The following RIMS1 variants were observed in gnomAD, a reference collection of about 807,000 sequenced individuals.
RIMS1 encodes regulating synaptic membrane exocytosis protein 1.
RIMS1 carries 83 observed loss-of-function variants against 214.1 expected under a neutral mutation model. That is an observed-to-expected ratio of 0.39 (90% CI 0.32 to 0.47). The LOEUF (loss-of-function observed/expected upper bound fraction) is 0.47, where lower values mean the gene tolerates loss of function less well. Among genes scored for constraint, RIMS1 ranks in the 20% least tolerant of loss-of-function variants. The pLI, the probability that RIMS1 is intolerant of heterozygous loss-of-function variation, is 0.99. For synonymous variants in RIMS1, 793 were observed against 786.8 expected, an observed-to-expected ratio of 1.01 and a Z score of -0.13; for missense variants, 2,050 against 2,161.8, an observed-to-expected ratio of 0.95 and a Z score of 1.03.
chr6:72,010,215 G>T (rs1809854506), intron 2 of RIMS1, among the ~76,000 whole-genome samples: 1 of 151,800 alleles, frequency 6.6e-6, no homozygotes, highest in South Asian at 2.1e-4. Flanking sequence ...ATAAACAGAA[G>T]CGAAGAAAAA....
chr6:72,172,749 A>C (rs758453518), intron 4 of RIMS1, among the ~76,000 whole-genome samples: 1 of 152,182 alleles, frequency 6.6e-6, no homozygotes, highest in African/African-American at 2.4e-5. Context: ...CCTTTATCCT[A>C]TGAAGTTTTT....
chr6:72,062,693 G>A (rs1056185181), intron 2 of RIMS1, among the ~76,000 whole-genome samples: 10 of 152,112 alleles, frequency 6.6e-5, no homozygotes, highest in African/African-American at 1.4e-4. Flanking sequence ...ATGTATTGCC[G>A]CACAGTGCTG....
At chr6:72,339,420 C>T (rs146674444) in intron 29 of RIMS1, among the ~76,000 whole-genome samples, 3,018 of 152,044 alleles carry the variant, frequency 0.02, 83 homozygotes, top group African/African-American at 0.069. Flanking sequence ...TCTCCTAATG[C>T]TATCCCTCCC....
chr6:72,033,871 C>T (rs1818855866), intron 2 of RIMS1, among the ~76,000 whole-genome samples: 1 of 152,104 alleles, frequency 6.6e-6, no homozygotes, highest in Non-Finnish European at 1.5e-5. Flanking sequence ...TAAAGAACAA[C>T]TCTGAGAGGG....
chr6:72,274,386 C>T lies in RIMS1; in HGVS notation c.3436C>T (p.Pro1146Ser), dbSNP rs1297392979. The change falls in exon 23 of 34, where the codon CCT (proline) becomes TCT (serine). Residue 1146 changes from proline (P) to serine (S), a missense_variant. Physicochemically the swap from Pro to Ser is moderately conservative, Grantham distance 74 (BLOSUM62 -1). Around this residue, in one of 6 missense-constraint regions of RIMS1, gnomAD observed 889 missense variants for 885.5 expected, o/e 1.00. Coordinates refer to ENST00000521978, the MANE Select transcript of RIMS1 (RefSeq NM_014989.7). Reference sequence around the variant, plus strand: ...CCCCTCCCTAGATAGGAGACGACCTCCTAGTCCCAGGATTCAAATCCAGCA... The same window carrying T: ...CCCCTCCCTAGATAGGAGACGACCTTCTAGTCCCAGGATTCAAATCCAGCA... The part of the protein sequence containing the change: ...WSPSLDRRRP[P>S]SPRIQIQHAS... 6.2e-7 allele frequency: 1 copy of T among 1,613,220 alleles called. No individual in the cohort carries two copies. Among genetic ancestry groups the T allele is most frequent in the South Asian group, 1.1e-5 (1 of 91,000 alleles).
chr6:72,041,912 T>C (rs1821542051), intron 2 of RIMS1, among the ~76,000 whole-genome samples: 1 of 151,872 alleles, frequency 6.6e-6, no homozygotes, highest in Non-Finnish European at 1.5e-5. Flanking sequence ...ACACAACTGA[T>C]AAATGGCAGA....
At chr6:72,003,514 A>G (rs1490640091) in intron 2 of RIMS1, among the ~76,000 whole-genome samples, 1 of 152,042 alleles carries the variant, frequency 6.6e-6, no homozygotes, top group African/African-American at 2.4e-5. Context: ...CCTAATTTTC[A>G]GCTTACTCAA....
intron 15 of RIMS1, 70 bp downstream of exon 15, chr6:72,251,438 C>T (rs1590621863): frequency 8.3e-7 from 1 of 1,199,002 alleles, no homozygotes; most frequent in Non-Finnish European, 1.1e-6. Flanking sequence ...ATTAATAATT[C>T]AAGATGTTTT....
At chr6:72,165,415 A>C (rs2046115140) in intron 4 of RIMS1, among the ~76,000 whole-genome samples, 1 of 152,084 alleles carries the variant, frequency 6.6e-6, no homozygotes, top group Admixed American at 6.6e-5. Flanking sequence ...TGCCTTACAC[A>C]TCCACTCCAT....
At chr6:72,131,475 G>A (rs558635194) in intron 4 of RIMS1, among the ~76,000 whole-genome samples, 11 of 152,218 alleles carry the variant, frequency 7.2e-5, no homozygotes, top group Admixed American at 1.3e-4. Context: ...GGTATGTTCC[G>A]TGATGTCCCA....
chr6:72,170,560 G>T (rs2153953169), intron 4 of RIMS1, among the ~76,000 whole-genome samples: 1 of 152,092 alleles, frequency 6.6e-6, no homozygotes, highest in East Asian at 1.9e-4. Context: ...GGCCAAGCTG[G>T]TCTCAAACTC....
intron 6 of RIMS1, among the ~76,000 whole-genome samples, chr6:72,217,424 A>T (rs969521654): frequency 1.3e-5 from 2 of 152,206 alleles, no homozygotes; most frequent in African/African-American, 4.8e-5. Flanking sequence ...GTATTACATA[A>T]AGTTATTTTT....
chr6:72,397,792 TGATA>T (rs5877324), intron 31 of RIMS1, among the ~76,000 whole-genome samples: 38,023 of 151,828 alleles, frequency 0.25, 4,975 homozygotes, highest in Middle Eastern at 0.3. Context: ...TCATGATTGC[TGATA>T]GATAGATAAA....
At chr6:72,061,915 T>C (rs1335820065) in intron 2 of RIMS1, among the ~76,000 whole-genome samples, 2 of 152,250 alleles carry the variant, frequency 1.3e-5, no homozygotes, top group Non-Finnish European at 2.9e-5. Context: ...TTCATGGCAG[T>C]GTTCATAAAT....
chr6:71,974,990 C>T (rs1719238197), intron 2 of RIMS1, among the ~76,000 whole-genome samples: 1 of 152,080 alleles, frequency 6.6e-6, no homozygotes, highest in Non-Finnish European at 1.5e-5. Flanking sequence ...CACAAATCTC[C>T]ACCTAAAGAA....
intron 26 of RIMS1, among the ~76,000 whole-genome samples, chr6:72,293,284 T>C (rs934858952): frequency 1.3e-5 from 2 of 152,006 alleles, no homozygotes; most frequent in Non-Finnish European, 2.9e-5. Flanking sequence ...ATATGATGCA[T>C]TGTGAAACTC....
chr6:72,401,067 A>G lies in RIMS1; in HGVS notation c.*353A>G, dbSNP rs1596461786. The G allele has an allele frequency of 4.7e-6, 1 of 213,180 alleles. No homozygotes were observed. Among genetic ancestry groups the G allele is most frequent in the East Asian group, 1.0e-4 (1 of 10,032 alleles). The allele number at this position is 213,180 out of a possible 1,614,324, so 13.2% of individuals were successfully genotyped here. On this transcript the variant is annotated 3_prime_UTR_variant, in exon 34 of 34. Coordinates refer to ENST00000521978, the MANE Select transcript of RIMS1 (RefSeq NM_014989.7). Reference sequence around the variant, plus strand: ...AAACTCTCACTCTGTGAAAAGTTGTATTCTACACATTTCTGCACAGACCAC... The same window carrying G: ...AAACTCTCACTCTGTGAAAAGTTGTGTTCTACACATTTCTGCACAGACCAC...
intron 26 of RIMS1, among the ~76,000 whole-genome samples, chr6:72,297,230 C>T (rs1229014705): frequency 6.6e-6 from 1 of 151,966 alleles, no homozygotes; most frequent in East Asian, 1.9e-4. Context: ...AGCCATCTTG[C>T]TGCATTTTTA....
chr6:71,987,740 G>A (rs1800449268), intron 2 of RIMS1, among the ~76,000 whole-genome samples: 1 of 152,126 alleles, frequency 6.6e-6, no homozygotes, highest in Non-Finnish European at 1.5e-5. Flanking sequence ...GGAGGAAGGT[G>A]GACTTATTAG....
Sources: allele counts gnomAD v4.1 joint callset (sites outside exome capture counted in the v4.1 genomes callset), GRCh38; gene constraint gnomAD v4.1.1; regional missense constraint gnomAD v4.1.1; transcripts MANE v1.5; gene names NCBI Gene and HGNC (gene_info 2026-07-23, HGNC 2026-07-21).